The following CC2D2B variants were observed in gnomAD, a reference collection of about 807,000 sequenced individuals.
CC2D2B encodes the protein coiled-coil and C2 domain containing 2B.
A neutral mutation model predicts 161.2 loss-of-function variants in CC2D2B; 128 were observed. That is an observed-to-expected ratio of 0.79 (90% confidence interval 0.69 to 0.92). The LOEUF (loss-of-function observed/expected upper bound fraction) is 0.92. Ranked by LOEUF, CC2D2B falls within the 40% of genes least tolerant of loss-of-function variation. CC2D2B has a pLI of 0.00. For synonymous variants in CC2D2B, 391 were observed against 449.8 expected, an observed-to-expected ratio of 0.87 and a Z score of 1.65; for missense variants, 1,173 against 1,375.1, an observed-to-expected ratio of 0.85 and a Z score of 2.32.
intron 19 of CC2D2B, 58 bp downstream of exon 19, chr10:95,983,867 T>A: frequency 1.4e-6 from 1 of 725,166 alleles, no homozygotes; most frequent in Non-Finnish European, 1.9e-6. Context: ...GTTTTGCTGC[T>A]TTAACCCTAT....
chr10:96,011,784 CCTA>C (rs762914132), intron 26 of CC2D2B, among the ~76,000 whole-genome samples: 7 of 151,746 alleles, frequency 4.6e-5, no homozygotes, highest in Admixed American at 6.6e-5. Flanking sequence ...CACAATTTCT[CCTA>C]CTGTGGACCT....
chr10:95,962,762 A>G (rs1389487773), intron 12 of CC2D2B, among the ~76,000 whole-genome samples: 1 of 128,980 alleles, frequency 7.8e-6, no homozygotes, highest in Admixed American at 8.5e-5. Flanking sequence ...TTGCTGCAGT[A>G]GTTTTTTTTT....
At chr10:95,943,984 T>C (rs2076110369) in intron 9 of CC2D2B, among the ~76,000 whole-genome samples, 1 of 152,164 alleles carries the variant, frequency 6.6e-6, no homozygotes, top group Non-Finnish European at 1.5e-5. Context: ...GTATCTATAT[T>C]TTCCGTTTAC....
At chr10:95,935,028 A>C (rs1428998721) in intron 6 of CC2D2B, among the ~76,000 whole-genome samples, 2 of 151,774 alleles carry the variant, frequency 1.3e-5, no homozygotes, top group Non-Finnish European at 2.9e-5. Context: ...GTGCCACTAC[A>C]CCTGGCTAAT....
rs141157744 is a variant in CC2D2B at position 95,916,693 on chromosome 10, A to G, written c.37-5323A>G. On this transcript the variant is annotated intron_variant, in intron 2 of 34. Transcript: ENST00000646931. ...TTGTGTAATTTCCATGTGTTTGTATAGTTTCCAAAGTTCCTCTTGTTATTG... is the reference window on the plus strand; with the variant it reads ...TTGTGTAATTTCCATGTGTTTGTATGGTTTCCAAAGTTCCTCTTGTTATTG... 8.5e-5 allele frequency among the ~76,000 whole-genome samples: 13 copies of G among 152,242 alleles called. No homozygotes were observed. The South Asian group carries it at 1.5e-3, about 17-fold the overall frequency.
intron 31 of CC2D2B, 78 bp downstream of exon 31, chr10:96,019,415 A>C: frequency 7.4e-7 from 1 of 1,342,844 alleles, no homozygotes; most frequent in Non-Finnish European, 1.0e-6. Context: ...CACCTGGGGA[A>C]CTTTAAATAT....
chr10:96,010,727 C>T (rs1021278465), intron 26 of CC2D2B, among the ~76,000 whole-genome samples: 4 of 151,946 alleles, frequency 2.6e-5, no homozygotes, highest in East Asian at 1.9e-4. Context: ...TTAACATAGG[C>T]GATAACTTTT....
chr10:96,023,698 C>A (rs777210181), intron 32 of CC2D2B, among the ~76,000 whole-genome samples: 6 of 152,134 alleles, frequency 3.9e-5, no homozygotes, highest in Non-Finnish European at 7.4e-5. Flanking sequence ...CATCTCCTAC[C>A]ATGCTGTACT....
chr10:96,017,481 G>A (rs2079255301), intron 30 of CC2D2B, among the ~76,000 whole-genome samples: 1 of 152,192 alleles, frequency 6.6e-6, no homozygotes, highest in South Asian at 2.1e-4. Context: ...GCCCTGCACA[G>A]TTTCACCTCA....
At chr10:95,933,636 C>G (rs2141240927) in intron 6 of CC2D2B, among the ~76,000 whole-genome samples, 1 of 152,100 alleles carries the variant, frequency 6.6e-6, no homozygotes, top group South Asian at 2.1e-4. Context: ...TGTAAGAGAC[C>G]CCTCTGCTGC....
chr10:95,956,874 T>G (rs1383411043), intron 11 of CC2D2B, among the ~76,000 whole-genome samples: 1 of 152,216 alleles, frequency 6.6e-6, no homozygotes, highest in East Asian at 1.9e-4. Context: ...TTCACATTAT[T>G]TTTTACTCTT....
Position 96,002,485 on chromosome 10 carries a change from G to A in CC2D2B, c.2850-1667G>A, listed in dbSNP as rs2078542805. On this transcript the variant is annotated intron_variant, in intron 24 of 34. Transcript: ENST00000646931. ...AACAGAATACAGAATGCAAAATAATGCAGAAGGACTTAAGTGATGTCAGGA... is the reference window on the plus strand; with the variant it reads ...AACAGAATACAGAATGCAAAATAATACAGAAGGACTTAAGTGATGTCAGGA... Among the ~76,000 whole-genome samples, 6 of 152,158 alleles carry A rather than the reference G, an allele frequency of 3.9e-5. No homozygotes were observed. The South Asian group carries it at 1.2e-3, about 32-fold the overall frequency.
intron 6 of CC2D2B, among the ~76,000 whole-genome samples, chr10:95,935,133 A>G (rs2075771967): frequency 6.6e-6 from 1 of 152,164 alleles, no homozygotes; most frequent in African/African-American, 2.4e-5. Flanking sequence ...GGCCTTCCAA[A>G]GTGTTGGGAT....
chr10:95,971,263 C>G (rs1463616048), intron 15 of CC2D2B, among the ~76,000 whole-genome samples: 1 of 151,612 alleles, frequency 6.6e-6, no homozygotes, highest in Non-Finnish European at 1.5e-5. Context: ...GTGGTGGGCA[C>G]CTGTAATCCC....
chr10:95,934,302 T>G (rs759812652), intron 6 of CC2D2B, among the ~76,000 whole-genome samples: 11 of 152,310 alleles, frequency 7.2e-5, no homozygotes, highest in Non-Finnish European at 1.2e-4. Flanking sequence ...CCAGTTGATC[T>G]TAGCTTGCGG....
Position 96,017,592 on chromosome 10 carries a change from T to C in CC2D2B, c.3630+1278T>C, listed in dbSNP as rs561191545. Among the ~76,000 whole-genome samples the C allele has an allele frequency of 4.3e-4, 65 of 152,192 alleles. 1 individual carries two copies. The South Asian group carries it at 0.013, about 30-fold the overall frequency. Reference sequence around the variant, plus strand: ...GTCGAGGAGAGCAGGCTGCACAGCGTAGTTTTAATAATATGGGTTTGGGGG... The same window carrying C: ...GTCGAGGAGAGCAGGCTGCACAGCGCAGTTTTAATAATATGGGTTTGGGGG... On this transcript the variant is annotated intron_variant, in intron 30 of 34. Coordinates refer to ENST00000646931, the MANE Select transcript of CC2D2B (RefSeq NM_001349008.3).
intron 9 of CC2D2B, among the ~76,000 whole-genome samples, chr10:95,948,103 A>G (rs2076284850): frequency 6.6e-6 from 1 of 152,200 alleles, no homozygotes; most frequent in Non-Finnish European, 1.5e-5. Flanking sequence ...ATACTGAGAT[A>G]GATTACAATA....
intron 9 of CC2D2B, among the ~76,000 whole-genome samples, chr10:95,945,078 C>G (rs2076150317): frequency 6.6e-6 from 1 of 152,198 alleles, no homozygotes; most frequent in Admixed American, 6.5e-5. Context: ...CCAGCGGACA[C>G]AGCAAAAAGG....
chr10:95,952,494 G>A (rs1331421030), intron 10 of CC2D2B: 1 of 152,064 alleles, frequency 6.6e-6, no homozygotes, highest in East Asian at 1.9e-4. Flanking sequence ...CTATATGTAT[G>A]TATGCCATGA....
Sources: allele counts gnomAD v4.1 joint callset (sites outside exome capture counted in the v4.1 genomes callset), GRCh38; gene constraint gnomAD v4.1.1; transcripts MANE v1.5; gene names NCBI Gene and HGNC (gene_info 2026-07-23, HGNC 2026-07-21).